Variants in DST observed in about 807,000 individuals in gnomAD.
The protein encoded by DST is bullous pemphigoid antigen.
DST carries 253 observed loss-of-function variants against 875.2 expected under a neutral mutation model. That is an observed-to-expected ratio of 0.29 (90% CI 0.26 to 0.32). The LOEUF (loss-of-function observed/expected upper bound fraction) is 0.32, where lower values mean the gene tolerates loss of function less well. DST is among the 10% of genes least tolerant of loss of function. The pLI is 1.00. For missense variants in DST, 8,287 were observed against 9,111.6 expected (o/e 0.91, Z 3.68); for synonymous variants, 3,124 against 3,197.1 (o/e 0.98, Z 0.77).
chr6:56,702,719 G>C (rs886625524), intron 7 of DST, among the ~76,000 whole-genome samples: 2 of 152,230 alleles, frequency 1.3e-5, no homozygotes, highest in Non-Finnish European at 2.9e-5. Context: ...TTACAAGTTA[G>C]CATGAAGGAA....
chr6:56,554,761 G>C (rs2097378725), intron 60 of DST, among the ~76,000 whole-genome samples: 1 of 152,146 alleles, frequency 6.6e-6, no homozygotes, highest in Non-Finnish European at 1.5e-5. Context: ...CAAGAAACTA[G>C]AAACTTTTCA....
Position 56,639,611 on chromosome 6 carries a change from T to A in DST, c.2698A>T (p.Asn900Tyr), listed in dbSNP as rs1430373843. The change falls in exon 21 of 104, where the codon AAT (asparagine) becomes TAT (tyrosine). Residue 900 changes from asparagine to tyrosine, a missense_variant and splice_region_variant. By Grantham distance (143) the Asn-to-Tyr change is moderately radical. This residue lies in a region of DST where 1,160 missense variants were observed against 1,424.3 expected (regional missense o/e 0.81). Coordinates refer to ENST00000680361, the MANE Select transcript of DST (RefSeq NM_001374736.1). Reference sequence around the variant, plus strand: ...TGCCGTTCTTGATTCCTGGATGTATTCTTTAGTAAGGAAAATCATCATAAG... The same window carrying A: ...TGCCGTTCTTGATTCCTGGATGTATACTTTAGTAAGGAAAATCATCATAAG... ...RLESQYAKLL[N>Y]TSRNQERHLD... 2 of 1,613,722 alleles carry A rather than the reference T, an allele frequency of 1.2e-6. No individual in the cohort carries two copies. The highest frequency in any genetic ancestry group is 1.7e-6 in the Non-Finnish European group (2 of 1,179,892).
chr6:56,804,238 G>A (rs2099750592), intron 4 of DST, among the ~76,000 whole-genome samples: 2 of 152,086 alleles, frequency 1.3e-5, no homozygotes, highest in South Asian at 4.1e-4. Flanking sequence ...GATCATCTGT[G>A]ACTCTGCAAT....
At position 56,605,531 on chromosome 6, in the gene DST, T is replaced by C. The variant is rs1173390644; in HGVS notation, c.9097A>G (p.Ile3033Val). The C allele has an allele frequency of 6.2e-7, 1 of 1,603,486 alleles. No individual in the cohort carries two copies. Residue 3033 changes from isoleucine (I) to valine (V), a missense_variant, in exon 40 of 104, where the codon ATT becomes GTT. Around this residue, in one of 10 missense-constraint regions of DST, gnomAD observed 3,138 missense variants for 3,116.6 expected, o/e 1.01. Transcript: ENST00000680361. ...KDPQGNGSDL[I>V]KGRDGKSDIL... ...TCACTTTTGCCATCTCTCCCTTTAA[T>C]GAGATCGCTTCCATTTCCTTGAGGA...
chr6:56,559,763 G>A (rs1013728453), intron 58 of DST, among the ~76,000 whole-genome samples: 6 of 151,910 alleles, frequency 3.9e-5, no homozygotes, highest in Admixed American at 1.3e-4. Flanking sequence ...CTGTACCTCC[G>A]AGGAGCAGTG....
intron 36 of DST, chr6:56,616,299 G>T: frequency 6.2e-7 from 1 of 1,613,954 alleles, no homozygotes. Context: ...GTCAGCATAT[G>T]AGAAGAATGC....
At chr6:56,616,184 G>A (rs867112939) in intron 36 of DST, 2 of 1,614,102 alleles carry the variant, frequency 1.2e-6, no homozygotes, top group African/African-American at 2.7e-5. Flanking sequence ...AGCAAGTTCT[G>A]TAAGTGTGAT....
chr6:56,499,629 G>C (rs1395763613), intron 80 of DST, among the ~76,000 whole-genome samples: 1 of 151,986 alleles, frequency 6.6e-6, no homozygotes, highest in Non-Finnish European at 1.5e-5. Context: ...TTGAGGAATG[G>C]AAAGAAAAGA....
chr6:56,613,254 C>T (rs1257566405), intron 37 of DST, among the ~76,000 whole-genome samples: 1 of 152,138 alleles, frequency 6.6e-6, no homozygotes, highest in Non-Finnish European at 1.5e-5. Context: ...AATGCAAGTG[C>T]TTTCCCACAT....
At chr6:56,877,395 A>C (rs1289729252) in intron 3 of DST, among the ~76,000 whole-genome samples, 1 of 152,188 alleles carries the variant, frequency 6.6e-6, no homozygotes, top group Non-Finnish European at 1.5e-5. Flanking sequence ...CTCTACTAAA[A>C]AATACAAAAA....
intron 9 of DST, among the ~76,000 whole-genome samples, chr6:56,695,066 G>A (rs1023648735): frequency 6.8e-6 from 1 of 148,134 alleles, no homozygotes; most frequent in Non-Finnish European, 1.5e-5. Context: ...GGTGGAGGTT[G>A]CAGTGAGCCA....
At chr6:56,792,166 TTTTG>T (rs899811807) in intron 4 of DST, among the ~76,000 whole-genome samples, 2 of 152,050 alleles carry the variant, frequency 1.3e-5, no homozygotes, top group Non-Finnish European at 2.9e-5. Context: ...ACTGAGGTTT[TTTTG>T]TTTTTTTTTT....
chr6:56,665,794 A>C (rs965730098), intron 10 of DST, among the ~76,000 whole-genome samples: 5 of 152,198 alleles, frequency 3.3e-5, no homozygotes, highest in Non-Finnish European at 7.3e-5. Flanking sequence ...ATCATGCAAT[A>C]TACCCAAGTA....
chr6:56,620,790 A>T, intron 36 of DST: 1 of 1,385,766 alleles, frequency 7.2e-7, no homozygotes, highest in Non-Finnish European at 1.0e-6. Flanking sequence ...AATGTTCATA[A>T]AAGTACTTAC....
intron 4 of DST, among the ~76,000 whole-genome samples, chr6:56,834,327 G>A (rs1340494794): frequency 2.0e-5 from 3 of 152,164 alleles, no homozygotes; most frequent in South Asian, 2.1e-4. Context: ...AGCCAGGTGC[G>A]GTGGCTCATG....
At chr6:56,835,238 C>G (rs1291696476) in intron 4 of DST, among the ~76,000 whole-genome samples, 2 of 152,162 alleles carry the variant, frequency 1.3e-5, no homozygotes, top group African/African-American at 4.8e-5. Flanking sequence ...AGCAGTGAAA[C>G]TCTTCTGTAT....
At chr6:56,641,446 G>C (rs918472228) in intron 17 of DST, among the ~76,000 whole-genome samples, 1 of 152,190 alleles carries the variant, frequency 6.6e-6, no homozygotes, top group East Asian at 1.9e-4. Flanking sequence ...AAATTAGCCA[G>C]GTGTGGTGGC....
intron 5 of DST, among the ~76,000 whole-genome samples, chr6:56,710,967 A>AT (rs1284416868): frequency 6.6e-6 from 1 of 152,162 alleles, no homozygotes; most frequent in Non-Finnish European, 1.5e-5. Flanking sequence ...AAATAAAGGT[A>AT]TTAGTTACAC....
intron 86 of DST, among the ~76,000 whole-genome samples, chr6:56,487,946 A>C (rs1439589252): frequency 6.6e-6 from 1 of 152,222 alleles, no homozygotes; most frequent in Admixed American, 6.5e-5. Context: ...GCAAATGTAC[A>C]CTTTTCTAAA....
Sources: allele counts gnomAD v4.1 joint callset (sites outside exome capture counted in the v4.1 genomes callset), GRCh38; gene constraint gnomAD v4.1.1; regional missense constraint gnomAD v4.1.1; transcripts MANE v1.5; gene names NCBI Gene and HGNC (gene_info 2026-07-23, HGNC 2026-07-21).